Variants in ANXA13 observed in about 807,000 individuals in gnomAD.
ANXA13 encodes the protein annexin XIII.
ANXA13 carries 36 observed loss-of-function variants against 46.6 expected under a neutral mutation model. That is an observed-to-expected ratio of 0.77 (90% confidence interval 0.59 to 1.02). ANXA13 has a LOEUF of 1.02. Among genes scored for constraint, ANXA13 ranks in the 50% least tolerant of loss-of-function variants. ANXA13 has a pLI of 0.00. For missense variants in ANXA13, 417 were observed against 396.5 expected (o/e 1.05, Z -0.44); for synonymous variants, 163 against 152.9 (o/e 1.07, Z -0.49).
intron 1 of ANXA13, among the ~76,000 whole-genome samples, chr8:123,721,386 A>T (rs1182474515): frequency 6.6e-6 from 1 of 152,184 alleles, no homozygotes; most frequent in South Asian, 2.1e-4. Context: ...TTTCCTCCGT[A>T]TCTTTTCCAA....
At chr8:123,735,820 G>C (rs1417640674) in intron 1 of ANXA13, 1 of 1,612,300 alleles carries the variant, frequency 6.2e-7, no homozygotes, top group African/African-American at 1.3e-5. Context: ...ACTGTCGAGG[G>C]TTGGGAGTCC....
intron 2 of ANXA13, among the ~76,000 whole-genome samples, chr8:123,707,650 A>G (rs1813563655): frequency 6.6e-6 from 1 of 152,164 alleles, no homozygotes; most frequent in Admixed American, 6.5e-5. Flanking sequence ...AACAATGAGA[A>G]CACATGGACA....
intron 1 of ANXA13, among the ~76,000 whole-genome samples, chr8:123,723,574 C>T (rs138303394): frequency 3.6e-4 from 55 of 152,214 alleles, no homozygotes; most frequent in South Asian, 1.5e-3. Context: ...CTCTGCTTGG[C>T]GAGATCATGC....
At chr8:123,705,212 T>G (rs1813518164) in intron 2 of ANXA13, among the ~76,000 whole-genome samples, 1 of 152,194 alleles carries the variant, frequency 6.6e-6, no homozygotes, top group South Asian at 2.1e-4. Context: ...CTCTTCTTCA[T>G]TCCTTCTGTC....
At chr8:123,712,422 G>A in intron 2 of ANXA13, 2 of 522,796 alleles carry the variant, frequency 3.8e-6, no homozygotes, top group Non-Finnish European at 6.9e-6. Flanking sequence ...TTCTCATGAA[G>A]TTTCTCTCAC....
intron 1 of ANXA13, 36 bp from the exon 2 acceptor site, chr8:123,712,789 T>A (rs374578614): frequency 1.9e-6 from 3 of 1,578,996 alleles, no homozygotes; most frequent in African/African-American, 2.7e-5. Flanking sequence ...GATGACAATA[T>A]ACGCATTCCT....
At chr8:123,707,723 A>G (rs903930888) in intron 2 of ANXA13, among the ~76,000 whole-genome samples, 4 of 152,140 alleles carry the variant, frequency 2.6e-5, no homozygotes, top group African/African-American at 9.7e-5. Flanking sequence ...GAGGGATAGC[A>G]TTAGGAGAAA....
intron 10 of ANXA13, among the ~76,000 whole-genome samples, chr8:123,681,947 A>G (rs1813047456): frequency 6.6e-6 from 1 of 152,128 alleles, no homozygotes. Context: ...AATTTCATAC[A>G]GTTTTTACAT....
intron 2 of ANXA13, among the ~76,000 whole-genome samples, chr8:123,707,425 T>TA (rs771527825): frequency 4.6e-5 from 7 of 151,164 alleles, no homozygotes; most frequent in Admixed American, 6.6e-5. Flanking sequence ...GGGAATGCTT[T>TA]AAAAAAAAAG....
At chr8:123,697,907 C>G (rs1031529297) in intron 4 of ANXA13, among the ~76,000 whole-genome samples, 2 of 152,338 alleles carry the variant, frequency 1.3e-5, no homozygotes, top group East Asian at 3.9e-4. Flanking sequence ...GACACACAAC[C>G]CTTCAGGGTA....
At chr8:123,724,881 A>G (rs1813953984) in intron 1 of ANXA13, among the ~76,000 whole-genome samples, 1 of 152,200 alleles carries the variant, frequency 6.6e-6, no homozygotes, top group African/African-American at 2.4e-5. Context: ...GAACACAGCC[A>G]ACCCATTCAT....
intron 1 of ANXA13, 108 bp from the exon 2 acceptor site, chr8:123,712,861 A>G (rs1258144870): frequency 1.1e-6 from 1 of 903,676 alleles, no homozygotes; most frequent in African/African-American, 1.6e-5. Context: ...CTAACCAGGG[A>G]CCAGCTGTCA....
In ANXA13 at chr8:123,681,394, G is replaced by A. The variant is rs185422886; in HGVS notation, c.832-35C>T. 4,021 of 1,600,952 alleles carry A rather than the reference G, an allele frequency of 2.5e-3. 10 individuals carry two copies. The highest frequency in any genetic ancestry group is 3.0e-3 in the Non-Finnish European group (3,561 of 1,172,136). On this transcript the variant is annotated intron_variant, in intron 10 of 10. Coordinates refer to ENST00000419625, the MANE Select transcript of ANXA13 (RefSeq NM_004306.4). Reference sequence around the variant, plus strand: ...AAATAACAGCAATGGAGATAAGAACGTTTATGGTGTGTTCACAAACAGTGG... The same window carrying A: ...AAATAACAGCAATGGAGATAAGAACATTTATGGTGTGTTCACAAACAGTGG...
At chr8:123,709,445 C>T (rs2129889343) in intron 2 of ANXA13, among the ~76,000 whole-genome samples, 1 of 151,890 alleles carries the variant, frequency 6.6e-6, no homozygotes, top group East Asian at 1.9e-4. Flanking sequence ...TTCTTTTCCT[C>T]CCTCCTTCTC....
chr8:123,695,273 A>G (rs563930429), intron 6 of ANXA13, among the ~76,000 whole-genome samples: 1 of 152,338 alleles, frequency 6.6e-6, no homozygotes, highest in East Asian at 1.9e-4. Flanking sequence ...ATTTACAAAA[A>G]GTGATTGTAA....
intron 1 of ANXA13, among the ~76,000 whole-genome samples, chr8:123,720,058 T>A (rs1389214570): frequency 6.6e-6 from 1 of 152,174 alleles, no homozygotes; most frequent in Non-Finnish European, 1.5e-5. Flanking sequence ...CAAAATGCAA[T>A]GGGAGTGGCA....
intron 1 of ANXA13, among the ~76,000 whole-genome samples, chr8:123,718,993 C>G (rs1459411648): frequency 6.6e-6 from 1 of 152,182 alleles, no homozygotes; most frequent in African/African-American, 2.4e-5. Flanking sequence ...GAAGTCTTAA[C>G]TCTTATAATA....
chr8:123,702,647 C>G lies in ANXA13; in HGVS notation c.181G>C (p.Gly61Arg), dbSNP rs146094229. ...QIKQKYKATY[G>R]KELEEVLKSE... ...CTGACCACCCCTGGAATCACCTTGC[C>G]GTACGTTGCCTTGTACTTTTGCTTG... The change falls in exon 3 of 11, where the codon GGC (glycine) becomes CGC (arginine). Residue 61 changes from glycine to arginine, a missense_variant. Gly to Arg is a moderately radical substitution (Grantham distance 125, BLOSUM62 -2). Coordinates refer to ENST00000419625, the MANE Select transcript of ANXA13 (RefSeq NM_004306.4). 5 of 1,613,814 alleles carry G rather than the reference C, an allele frequency of 3.1e-6. No individual in the cohort carries two copies. Among genetic ancestry groups the G allele is most frequent in the African/African-American group, 1.3e-5 (1 of 74,888 alleles).
At chr8:123,732,089 A>T (rs1182047953) in intron 1 of ANXA13, among the ~76,000 whole-genome samples, 1 of 152,164 alleles carries the variant, frequency 6.6e-6, no homozygotes, top group Admixed American at 6.5e-5. Flanking sequence ...TTAATCTTCT[A>T]TTTGGCGTAA....
Sources: allele counts gnomAD v4.1 joint callset (sites outside exome capture counted in the v4.1 genomes callset), GRCh38; gene constraint gnomAD v4.1.1; transcripts MANE v1.5; gene names NCBI Gene and HGNC (gene_info 2026-07-23, HGNC 2026-07-21).